STIM1: variants seen among roughly 807,000 people sequenced by gnomAD.
The protein encoded by STIM1 is stromal interaction molecule 1.
Under a neutral mutation model 74.7 loss-of-function variants are expected in STIM1, and 25 were observed. The ratio of observed to expected loss-of-function variants is 0.33; its 90% CI spans 0.24 to 0.47. The LOEUF (loss-of-function observed/expected upper bound fraction) is 0.47. Among genes scored for constraint, STIM1 ranks in the 20% least tolerant of loss-of-function variants. STIM1 has a pLI of 1.00. For missense variants in STIM1, 728 were observed against 920.8 expected, an observed-to-expected ratio of 0.79 and a Z score of 2.71; for synonymous variants, 328 against 348.8, an observed-to-expected ratio of 0.94 and a Z score of 0.66.
At chr11:3,861,382 C>T (rs535268210) in intron 1 of STIM1, among the ~76,000 whole-genome samples, 8 of 152,072 alleles carry the variant, frequency 5.3e-5, no homozygotes, top group South Asian at 2.1e-4. Context: ...TACAGGCATC[C>T]GCCACCACGC....
chr11:4,088,597 C>T (rs2094506308), intron 12 of STIM1: 2 of 1,082,416 alleles, frequency 1.8e-6, no homozygotes, highest in Admixed American at 2.0e-5. Context: ...CTGTGAATTC[C>T]ATGCTCCAAG....
chr11:3,967,952 G>A lies in STIM1; in HGVS notation c.270+270G>A, dbSNP rs10835399. Among the ~76,000 whole-genome samples, 37,255 of 152,108 alleles carry A rather than the reference G, an allele frequency of 0.24. 5,675 individuals carry two copies. The highest frequency in any genetic ancestry group is 0.45 in the South Asian group (2,192 of 4,820). Reference sequence around the variant, plus strand: ...TAACACTGACTAAGCTGTGTTGTTTGGGAGGGAGAGAGATCCCTGAGGCTG... The same window carrying A: ...TAACACTGACTAAGCTGTGTTGTTTAGGAGGGAGAGAGATCCCTGAGGCTG... On this transcript the variant is annotated intron_variant, in intron 2 of 12. Transcript: ENST00000526596.
intron 1 of STIM1, among the ~76,000 whole-genome samples, chr11:3,906,103 G>A (rs1449188644): frequency 6.6e-6 from 1 of 152,156 alleles, no homozygotes; most frequent in African/African-American, 2.4e-5. Flanking sequence ...CTGTTACAGA[G>A]GAAAAAAAGA....
chr11:4,061,834 A>G (rs578004063), intron 5 of STIM1, among the ~76,000 whole-genome samples: 3 of 152,350 alleles, frequency 2.0e-5, no homozygotes, highest in South Asian at 4.1e-4. Flanking sequence ...ACATGCTACA[A>G]TGTGGATGAA....
At chr11:3,937,319 A>ATAATAATAATAATAG (rs55981710) in intron 1 of STIM1, among the ~76,000 whole-genome samples, 5,170 of 148,980 alleles carry the variant, frequency 0.035, 143 homozygotes, top group South Asian at 0.11. Flanking sequence ...AATAATAATA[A>ATAATAATAATAATAG]AATATCTGGA....
chr11:4,026,523 C>T (rs921424244), intron 3 of STIM1, among the ~76,000 whole-genome samples: 8 of 152,252 alleles, frequency 5.3e-5, no homozygotes, highest in African/African-American at 1.9e-4. Flanking sequence ...TTCACAGCCC[C>T]CGATAAGATT....
chr11:3,930,840 T>C (rs2092850911), intron 1 of STIM1, among the ~76,000 whole-genome samples: 1 of 152,224 alleles, frequency 6.6e-6, no homozygotes, highest in Non-Finnish European at 1.5e-5. Flanking sequence ...GAGCAGACAG[T>C]TTTGAATCTC....
At chr11:4,047,274 G>C (rs550991316) in intron 3 of STIM1, among the ~76,000 whole-genome samples, 1 of 152,174 alleles carries the variant, frequency 6.6e-6, no homozygotes, top group Non-Finnish European at 1.5e-5. Flanking sequence ...GAGGCCAGGA[G>C]TTCTAGACCA....
chr11:4,080,089 C>T (rs2094457345), intron 7 of STIM1, among the ~76,000 whole-genome samples: 1 of 150,970 alleles, frequency 6.6e-6, no homozygotes, highest in Non-Finnish European at 1.5e-5. Flanking sequence ...TAAATAAATA[C>T]AAAAATTAGC....
intron 1 of STIM1, among the ~76,000 whole-genome samples, chr11:3,938,706 G>T (rs990737807): frequency 1.3e-5 from 2 of 152,166 alleles, no homozygotes; most frequent in African/African-American, 4.8e-5. Flanking sequence ...AATGAGCCTG[G>T]TGTGGTGGCA....
At chr11:3,875,159 T>TTTGG (rs2091267178) in intron 1 of STIM1, among the ~76,000 whole-genome samples, 1 of 152,112 alleles carries the variant, frequency 6.6e-6, no homozygotes, top group African/African-American at 2.4e-5. Context: ...ATTTTGTTTG[T>TTTGG]TTGGTTGGTT....
At chr11:3,893,122 C>G (rs1045267247) in intron 1 of STIM1, among the ~76,000 whole-genome samples, 8 of 152,160 alleles carry the variant, frequency 5.3e-5, no homozygotes, top group Non-Finnish European at 1.0e-4. Flanking sequence ...AAAATGTCAT[C>G]CCTTCCAGTA....
chr11:4,055,390 C>T, intron 3 of STIM1, 136 bp from the exon 4 acceptor site: 2 of 721,106 alleles, frequency 2.8e-6, no homozygotes, highest in South Asian at 3.0e-5. Context: ...AGTGTATACT[C>T]CTTTCATACT....
At chr11:3,941,893 C>T (rs1250395014) in intron 1 of STIM1, among the ~76,000 whole-genome samples, 2 of 151,938 alleles carry the variant, frequency 1.3e-5, no homozygotes, top group Non-Finnish European at 2.9e-5. Context: ...TGTTGTTGTA[C>T]AGACTGGTCT....
intron 1 of STIM1, among the ~76,000 whole-genome samples, chr11:3,874,640 C>T (rs2091251291): frequency 6.6e-6 from 1 of 152,208 alleles, no homozygotes; most frequent in Non-Finnish European, 1.5e-5. Flanking sequence ...GTTCCTTTAG[C>T]CAGAATGACT....
chr11:4,086,630 G>T, intron 12 of STIM1, 87 bp downstream of exon 12: 2 of 1,583,856 alleles, frequency 1.3e-6, no homozygotes, highest in Non-Finnish European at 1.7e-6. Flanking sequence ...CAGTCTTTCA[G>T]TTCTGAAGGC....
At chr11:4,012,654 A>G (rs555416455) in intron 2 of STIM1, among the ~76,000 whole-genome samples, 255 of 152,346 alleles carry the variant, frequency 1.7e-3, no homozygotes, top group African/African-American at 5.7e-3. Flanking sequence ...TAAATATACA[A>G]TCATGTCATC....
intron 1 of STIM1, chr11:3,903,746 T>A (rs966419870): frequency 6.6e-6 from 1 of 152,214 alleles, no homozygotes. Flanking sequence ...GGACTGATAG[T>A]CTGGTTGCTT....
intron 1 of STIM1, among the ~76,000 whole-genome samples, chr11:3,880,947 C>T (rs181654982): frequency 2.3e-3 from 349 of 152,160 alleles, no homozygotes; most frequent in Admixed American, 3.7e-3. Flanking sequence ...ACCAGTGGAG[C>T]ATAACTCATT....
Sources: gnomAD v4.1 joint callset for allele counts (sites outside exome capture counted in the v4.1 genomes callset) on GRCh38, gnomAD v4.1.1 for gene constraint, MANE v1.5 for transcripts, NCBI Gene and HGNC (gene_info 2026-07-23, HGNC 2026-07-21) for gene names.